C7orf78: variants seen among roughly 807,000 people sequenced by gnomAD.
The protein encoded by C7orf78 is putative uncharacterized protein C7orf78.
At chr7:12,515,883 A>T in the C7orf78 span, among the ~76,000 whole-genome samples, 1 of 152,204 alleles carries the variant, frequency 6.6e-6, no homozygotes, top group Non-Finnish European at 1.5e-5. Flanking sequence ...TTAAGATGTG[A>T]CTTCGATGCT....
the C7orf78 span, among the ~76,000 whole-genome samples, chr7:12,535,128 C>T: frequency 4.6e-5 from 7 of 152,144 alleles, no homozygotes; most frequent in Non-Finnish European, 1.0e-4. Context: ...ACTACTATTG[C>T]ACACCCACCA....
the C7orf78 span, among the ~76,000 whole-genome samples, chr7:12,511,828 T>C: frequency 6.6e-6 from 1 of 151,780 alleles, no homozygotes; most frequent in Non-Finnish European, 1.5e-5. Context: ...CTCAGCTCAC[T>C]GCAAGCTCTG....
chr7:12,508,616 AT>A, the C7orf78 span, among the ~76,000 whole-genome samples: 1 of 152,188 alleles, frequency 6.6e-6, no homozygotes, highest in Admixed American at 6.5e-5. Flanking sequence ...GGTGAAACCA[AT>A]GTTAACACAA....
chr7:12,494,645 G>A, the C7orf78 span, among the ~76,000 whole-genome samples: 1 of 151,968 alleles, frequency 6.6e-6, no homozygotes, highest in East Asian at 1.9e-4. Context: ...ACTGTGAATT[G>A]ACCTCTATTT....
chr7:12,518,399 C>T, the C7orf78 span, among the ~76,000 whole-genome samples: 1 of 152,050 alleles, frequency 6.6e-6, no homozygotes, highest in African/African-American at 2.4e-5. Flanking sequence ...GGTGGGTGTA[C>T]TGGTTTTCAG....
chr7:12,541,110 G>C, the C7orf78 span: 1 of 152,166 alleles, frequency 6.6e-6, no homozygotes, highest in South Asian at 2.1e-4. Flanking sequence ...AAATTCCCTT[G>C]TTACCACAGG....
chr7:12,514,765 C>A, the C7orf78 span, among the ~76,000 whole-genome samples: 1 of 151,984 alleles, frequency 6.6e-6, no homozygotes. Context: ...CTGATCCTTT[C>A]CCTTTCAAGT....
chr7:12,495,290 G>T, the C7orf78 span, among the ~76,000 whole-genome samples: 1 of 152,152 alleles, frequency 6.6e-6, no homozygotes, highest in Non-Finnish European at 1.5e-5. Context: ...CCACAAAGTG[G>T]CTGTTTTGCA....
At chr7:12,531,052 G>A in the C7orf78 span, 11 of 398,322 alleles carry the variant, frequency 2.8e-5, 1 homozygote, top group Non-Finnish European at 3.5e-5. Flanking sequence ...TGCATTTATG[G>A]ATCGTGTGGA....
At chr7:12,484,641 A>AC in the C7orf78 span, among the ~76,000 whole-genome samples, 1 of 152,066 alleles carries the variant, frequency 6.6e-6, no homozygotes, top group Non-Finnish European at 1.5e-5. Flanking sequence ...GCTATCAGTC[A>AC]CTTTTTGTGA....
the C7orf78 span, among the ~76,000 whole-genome samples, chr7:12,487,711 C>T: frequency 3.9e-5 from 6 of 152,066 alleles, no homozygotes; most frequent in Admixed American, 2.0e-4. Context: ...GCAAAGCCAG[C>T]GTAGCGGAAA....
the C7orf78 span, among the ~76,000 whole-genome samples, chr7:12,505,840 T>C: frequency 2.0e-5 from 3 of 152,178 alleles, no homozygotes; most frequent in Non-Finnish European, 4.4e-5. Context: ...GCCTGGGAAC[T>C]ACAAAGACAT....
the C7orf78 span, among the ~76,000 whole-genome samples, chr7:12,524,997 T>C: frequency 2.0e-5 from 3 of 152,286 alleles, no homozygotes; most frequent in East Asian, 5.8e-4. Context: ...GATGTCAGTA[T>C]TGTTACAAAT....
At chr7:12,490,408 A>G in the C7orf78 span, among the ~76,000 whole-genome samples, 1 of 152,154 alleles carries the variant, frequency 6.6e-6, no homozygotes, top group African/African-American at 2.4e-5. Context: ...CACTACTTTT[A>G]TAACTCTGGT....
At chr7:12,484,181 C>G in the C7orf78 span, among the ~76,000 whole-genome samples, 1 of 152,218 alleles carries the variant, frequency 6.6e-6, no homozygotes, top group East Asian at 1.9e-4. Flanking sequence ...TCAAATTGGG[C>G]TAAGTAATAG....
the C7orf78 span, among the ~76,000 whole-genome samples, chr7:12,535,852 C>A: frequency 6.6e-6 from 1 of 152,326 alleles, no homozygotes; most frequent in East Asian, 1.9e-4. Context: ...CTTAAAGCTT[C>A]AAAATGATCT....
chr7:12,521,557 G>A, the C7orf78 span, among the ~76,000 whole-genome samples: 1 of 151,264 alleles, frequency 6.6e-6, no homozygotes, highest in Admixed American at 6.6e-5. Flanking sequence ...TAGCTCATAA[G>A]AACAACCTCC....
chr7:12,515,038 T>A, the C7orf78 span, among the ~76,000 whole-genome samples: 1 of 152,180 alleles, frequency 6.6e-6, no homozygotes, highest in Non-Finnish European at 1.5e-5. Flanking sequence ...TTTCTCTTGT[T>A]GTTTTTATAA....
chr7:12,502,874 A>T, the C7orf78 span, among the ~76,000 whole-genome samples: 1 of 147,716 alleles, frequency 6.8e-6, no homozygotes, highest in Non-Finnish European at 1.5e-5. Flanking sequence ...AAAATGTGGC[A>T]CATATACACC....
Sources: allele counts gnomAD v4.1 joint callset (sites outside exome capture counted in the v4.1 genomes callset), GRCh38; gene constraint gnomAD v4.1.1; transcripts MANE v1.5; gene names NCBI Gene and HGNC (gene_info 2026-07-23, HGNC 2026-07-21).